The following GPC4 variants were observed in gnomAD, a reference collection of about 807,000 sequenced individuals.
GPC4 encodes glypican-4.
In GPC4, 10 loss-of-function variants were observed where a neutral mutation model predicts 35.0. That is an observed-to-expected ratio of 0.29 (90% CI 0.18 to 0.48). GPC4 has a LOEUF of 0.48. Ranked by LOEUF, GPC4 falls within the 20% of genes least tolerant of loss-of-function variation. The pLI is 0.99. For synonymous variants in GPC4, 167 were observed against 170.2 expected (o/e 0.98, Z 0.15); for missense variants, 322 against 451.3 (o/e 0.71, Z 2.60).
At chrX:133,361,662 G>C (rs762445095) in intron 1 of GPC4, among the ~76,000 whole-genome samples, 1 of 111,708 alleles carries the variant, frequency 9.0e-6, no homozygotes, top group African/African-American at 3.3e-5. Flanking sequence ...ACCATTGCTG[G>C]TCTTTGCCAT....
intron 1 of GPC4, among the ~76,000 whole-genome samples, chrX:133,412,486 G>A (rs146315527): frequency 1.8e-5 from 2 of 111,763 alleles, no homozygotes; most frequent in Admixed American, 1.9e-4. Flanking sequence ...GGTCTTCCAA[G>A]GATTCCAGCT....
chrX:133,380,198 G>A (rs182410671), intron 1 of GPC4, among the ~76,000 whole-genome samples: 100 of 110,552 alleles, frequency 9.0e-4, no homozygotes, highest in African/African-American at 3.0e-3. Context: ...TTAGCCAAGC[G>A]TGGTGGTGGG....
chrX:133,344,034 C>T (rs1044951785), intron 1 of GPC4, among the ~76,000 whole-genome samples: 17 of 108,912 alleles, frequency 1.6e-4, no homozygotes, highest in Non-Finnish European at 2.9e-4. Context: ...AAATGGGGTG[C>T]GGCTAATGTT....
intron 3 of GPC4, among the ~76,000 whole-genome samples, chrX:133,313,141 C>T (rs755163344): frequency 1.8e-5 from 2 of 111,703 alleles, no homozygotes; most frequent in East Asian, 5.7e-4. Flanking sequence ...CCCGGCAATG[C>T]ACTTCACCTG....
chrX:133,405,493 C>T (rs1234032469), intron 1 of GPC4, among the ~76,000 whole-genome samples: 1 of 112,025 alleles, frequency 8.9e-6, no homozygotes, highest in Non-Finnish European at 1.9e-5. Context: ...TATACTAGTG[C>T]CCTCGATGAT....
At chrX:133,346,569 C>T in intron 1 of GPC4, among the ~76,000 whole-genome samples, 1 of 110,745 alleles carries the variant, frequency 9.0e-6, no homozygotes, top group Non-Finnish European at 1.9e-5. Flanking sequence ...GATCCTGGAA[C>T]AGAATAAGTA....
chrX:133,337,101 G>A (rs187074149), intron 2 of GPC4, among the ~76,000 whole-genome samples: 1 of 112,189 alleles, frequency 8.9e-6, no homozygotes, highest in African/African-American at 3.2e-5. Context: ...TTACAGGCAT[G>A]AACCACCATG....
chrX:133,321,391 A>G (rs2068363973), intron 3 of GPC4, among the ~76,000 whole-genome samples: 1 of 112,471 alleles, frequency 8.9e-6, no homozygotes, highest in Non-Finnish European at 1.9e-5. Context: ...TTGCAAAGTG[A>G]GGCTAACACC....
intron 1 of GPC4, among the ~76,000 whole-genome samples, chrX:133,396,635 T>G (rs1029561640): frequency 3.6e-5 from 4 of 111,937 alleles, no homozygotes; most frequent in African/African-American, 1.3e-4. Context: ...TATCCTGTCC[T>G]AACAGCCGAG....
chrX:133,340,565 C>T lies in GPC4; in HGVS notation c.161-1224G>A, dbSNP rs936987541. Among the ~76,000 whole-genome samples the T allele has an allele frequency of 3.6e-5, 4 of 111,872 alleles. No individual in the cohort carries two copies. In the Admixed American group the frequency reaches 3.8e-4, roughly 11 times the overall value. ...CAACAAAGGGATGGGGAATTAAAAG[C>T]TAATCATTCAAACAACACTAATCAT... On this transcript the variant is annotated intron_variant, in intron 1 of 8. Transcript: ENST00000370828.
At chrX:133,359,101 A>G (rs886898530) in intron 1 of GPC4, among the ~76,000 whole-genome samples, 2 of 111,431 alleles carry the variant, frequency 1.8e-5, no homozygotes, top group Non-Finnish European at 3.8e-5. Context: ...ACACCAAGTA[A>G]GTGTGGATAA....
chrX:133,336,097 A>G (rs1158015031), intron 2 of GPC4, among the ~76,000 whole-genome samples: 1 of 111,930 alleles, frequency 8.9e-6, no homozygotes, highest in African/African-American at 3.3e-5. Flanking sequence ...TTTAGCTATT[A>G]TAATAGTTTG....
Position 133,304,806 on chromosome X carries a change from G to A in GPC4, c.1211C>T (p.Pro404Leu), listed in dbSNP as rs373482151. The part of the protein sequence containing the change: ...KQAKKFWSSL[P>L]SNVCNDERMA... ...CCTCTCATCGTTGCAAACGTTGCTC[G>A]GAAGGGAGGACCAGAATTTCTTGGC... The change falls in exon 7 of 9, where the codon CCG becomes CTG. Residue 404 changes from proline to leucine, a missense_variant. Transcript: ENST00000370828. 2 of 1,208,625 alleles carry A rather than the reference G, an allele frequency of 1.7e-6. No individual in the cohort carries two copies. Among genetic ancestry groups the A allele is most frequent in the Non-Finnish European group, 1.1e-6 (1 of 894,142 alleles).
chrX:133,302,992 T>C lies in GPC4; in HGVS notation c.1546A>G (p.Thr516Ala). The C allele has an allele frequency of 4.1e-6, 5 of 1,211,593 alleles. No homozygotes were observed. Among genetic ancestry groups the C allele is most frequent in the Non-Finnish European group, 5.6e-6 (5 of 895,416 alleles). The stretch of plus-strand genomic sequence containing the variant: ...TTGGCACTCTTCCCAGCATGGTCAG[T>C]GGCATTGTAGTCAAACTCTGAAGGG... The part of the protein sequence containing the change: ...QCPSEFDYNA[T>A]DHAGKSANEK... Residue 516 changes from threonine (T) to alanine (A), a missense_variant, in exon 9 of 9, where the codon ACT (threonine) becomes GCT (alanine). Thr to Ala is a moderately conservative substitution (Grantham distance 58). Transcript: ENST00000370828.
At chrX:133,413,240 C>G (rs1285290399) in intron 1 of GPC4, among the ~76,000 whole-genome samples, 2 of 111,832 alleles carry the variant, frequency 1.8e-5, no homozygotes, top group Non-Finnish European at 3.8e-5. Flanking sequence ...CCCCAAAAGA[C>G]AGGCAGCTGA....
At chrX:133,326,904 A>G (rs893883693) in intron 2 of GPC4, among the ~76,000 whole-genome samples, 8 of 112,581 alleles carry the variant, frequency 7.1e-5, no homozygotes, top group Non-Finnish European at 1.3e-4. Flanking sequence ...GTCCCACACC[A>G]TGCTTGAATT....
chrX:133,314,326 T>C (rs1482152796), intron 3 of GPC4, among the ~76,000 whole-genome samples: 2 of 112,174 alleles, frequency 1.8e-5, no homozygotes, highest in African/African-American at 6.5e-5. Flanking sequence ...CTTAGTTCAA[T>C]TGCAAGTCAA....
chrX:133,391,111 C>A, intron 1 of GPC4, among the ~76,000 whole-genome samples: 1 of 112,212 alleles, frequency 8.9e-6, no homozygotes, highest in Admixed American at 9.5e-5. Flanking sequence ...TGTCAAGTTT[C>A]TAGAAACCCA....
In GPC4 at chrX:133,348,470, A is replaced by C. The variant is rs181115223; in HGVS notation, c.161-9129T>G. Among the ~76,000 whole-genome samples, 11 of 112,721 alleles carry C rather than the reference A, an allele frequency of 9.8e-5. No individual in the cohort carries two copies. In the East Asian group the frequency reaches 3.0e-3, roughly 31 times the overall value. ...AATACTTTCTAAGCAGTGCTAATAA[A>C]AGGCTCACAGAAGTGTGCTGGGGGA... On this transcript the variant is annotated intron_variant, in intron 1 of 8. Transcript: ENST00000370828.
Sources: allele counts gnomAD v4.1 joint callset (sites outside exome capture counted in the v4.1 genomes callset), GRCh38; gene constraint gnomAD v4.1.1; transcripts MANE v1.5; gene names NCBI Gene and HGNC (gene_info 2026-07-23, HGNC 2026-07-21).